KDSR: variants seen among roughly 807,000 people sequenced by gnomAD.
KDSR encodes the protein 3-dehydrosphinganine reductase.
A neutral mutation model predicts 41.3 loss-of-function variants in KDSR; 23 were observed. That is an observed-to-expected ratio of 0.56 (90% CI 0.40 to 0.79). The LOEUF (loss-of-function observed/expected upper bound fraction) is 0.79. Ranked by LOEUF, KDSR falls within the 30% of genes least tolerant of loss-of-function variation. The pLI is 0.00. For synonymous variants in KDSR, 138 were observed against 151.7 expected, an observed-to-expected ratio of 0.91 and a Z score of 0.66; for missense variants, 351 against 416.8, an observed-to-expected ratio of 0.84 and a Z score of 1.37.
chr18:63,358,401 C>G (rs1255791397), intron 3 of KDSR, among the ~76,000 whole-genome samples: 2 of 151,972 alleles, frequency 1.3e-5, no homozygotes, highest in Non-Finnish European at 2.9e-5. Context: ...TTGCACAACT[C>G]TATGAATACA....
In KDSR at chr18:63,339,334, C is replaced by T. The variant is rs1044320343; in HGVS notation, c.694-451G>A. Among the ~76,000 whole-genome samples the T allele has an allele frequency of 2.6e-5, 4 of 152,256 alleles. No homozygotes were observed. In the East Asian group the frequency reaches 5.8e-4, roughly 22 times the overall value. On this transcript the variant is annotated intron_variant, in intron 7 of 9. Transcript: ENST00000645214. ...ATTCCCAGGTCAGCAGAGGGCTGAT[C>T]CCTGGGGATGAACCTGGCGCCCAAG...
chr18:63,344,821 C>T, intron 6 of KDSR: 1 of 231,400 alleles, frequency 4.3e-6, no homozygotes, highest in East Asian at 9.5e-5. Flanking sequence ...AAAAAGAGTC[C>T]AGTTCCCACA....
At chr18:63,353,444 A>C (rs1599333728) in intron 5 of KDSR, among the ~76,000 whole-genome samples, 1 of 152,172 alleles carries the variant, frequency 6.6e-6, no homozygotes, top group South Asian at 2.1e-4. Flanking sequence ...GAAACTAAAA[A>C]GCCAGATTCT....
In KDSR at chr18:63,327,968, A is replaced by C. The variant is rs1410379835; in HGVS notation, c.*3814T>G. On this transcript the variant is annotated 3_prime_UTR_variant, in exon 10 of 10. Coordinates refer to ENST00000645214, the MANE Select transcript of KDSR (RefSeq NM_002035.4). ...AAAATTGCAAATCCACAGTTACTGC[A>C]CTGAAGTATAATCCGAAGAGCAAGA... The C allele has an allele frequency of 4.9e-6, 1 of 202,920 alleles. No individual in the cohort carries two copies. The highest frequency in any genetic ancestry group is 2.3e-5 in the African/African-American group (1 of 43,580). The allele number at this position is 202,920 out of a possible 1,614,324, so 12.6% of individuals were successfully genotyped here. A position where few individuals can be genotyped will look rare whatever the true frequency, so the allele number is the denominator to read the frequency against.
chr18:63,334,569 A>G (rs2849369), intron 9 of KDSR, among the ~76,000 whole-genome samples: 150,311 of 152,268 alleles, frequency 0.99, 74,227 homozygotes, highest in East Asian at 1. Context: ...GGCTGGTCTC[A>G]AACTCCTGAT....
intron 2 of KDSR, among the ~76,000 whole-genome samples, chr18:63,360,073 T>C (rs2144377681): frequency 6.6e-6 from 1 of 152,330 alleles, no homozygotes; most frequent in East Asian, 1.9e-4. Flanking sequence ...ACAGTACTAA[T>C]TGCTGAGGCT....
chr18:63,348,948 G>C (rs958851508), intron 6 of KDSR, among the ~76,000 whole-genome samples: 1 of 152,180 alleles, frequency 6.6e-6, no homozygotes, highest in African/African-American at 2.4e-5. Context: ...AGCAGACCTG[G>C]GGTCAAGGCT....
chr18:63,362,810 C>T lies in KDSR; in HGVS notation c.167G>A (p.Gly56Glu), dbSNP rs1568073272. 6.2e-7 allele frequency: 1 copy of T among 1,613,560 alleles called. No individual in the cohort carries two copies. The highest frequency in any genetic ancestry group is 1.3e-5 in the African/African-American group (1 of 75,034). The change falls in exon 2 of 10, where the codon GGA becomes GAA. Residue 56 changes from glycine (G) to glutamate (E), a missense_variant. Transcript: ENST00000645214. ...KCIAIECYKQGAFITLVARNE... is the reference protein window; with the variant it reads ...KCIAIECYKQEAFITLVARNE... ...TCGTGCAACCAGAGTTATAAAAGCT[C>T]CTTGTTTATAGCACTCGATAGCAAT...
intron 8 of KDSR, 101 bp from the exon 9 acceptor site, chr18:63,335,459 G>A: frequency 2.5e-6 from 2 of 795,622 alleles, no homozygotes; most frequent in Admixed American, 2.1e-5. Flanking sequence ...TTCACTTTAA[G>A]TGAGATAAAA....
chr18:63,339,338 G>A (rs1231744352), intron 7 of KDSR, among the ~76,000 whole-genome samples: 1 of 152,248 alleles, frequency 6.6e-6, no homozygotes, highest in Non-Finnish European at 1.5e-5. Context: ...GCTGATCCCT[G>A]GGGATGAACC....
In KDSR at chr18:63,367,150, G is replaced by C. The variant is rs757721587; in HGVS notation, c.-32C>G. 9.0e-5 allele frequency: 108 copies of C among 1,196,548 alleles called. No individual in the cohort carries two copies. The East Asian group carries it at 2.7e-3, about 30-fold the overall frequency. The allele number at this position is 1,196,548 out of a possible 1,614,324, so 74.1% of individuals were successfully genotyped here. On this transcript the variant is annotated 5_prime_UTR_variant, in exon 1 of 10. Transcript: ENST00000645214. ...GCGGGGCCAGGGGCCCGGAGCGGCC[G>C]GGCGGGGGCCGCCGGGCAAGGCGCG... is the stretch of plus-strand genomic sequence containing the variant.
chr18:63,344,318 T>C (rs1378211344), intron 7 of KDSR, 92 bp downstream of exon 7: 3 of 815,198 alleles, frequency 3.7e-6, no homozygotes, highest in African/African-American at 1.7e-5. Context: ...ACATTGTTGA[T>C]TGGTGAAAAC....
rs1156549146 is a variant in KDSR, at chr18:63,338,818, T to C, written c.759A>G (p.Gln253=). 1.9e-6 allele frequency: 3 copies of C among 1,608,678 alleles called. No individual in the cohort carries two copies. The highest frequency in any genetic ancestry group is 2.5e-6 in the Non-Finnish European group (3 of 1,177,418). The change falls in exon 8 of 10, where the codon CAA becomes CAG. Residue 253 remains glutamine, a synonymous_variant. Transcript: ENST00000645214. The part of the protein sequence containing the change: ...SVCKPEQVAK[Q]IVKDAIQGNF... ...TACTTACTATGGCATCTTTAACAATTTGTTTGGCCACCTGTTCTGGTTTGC... is the reference window on the plus strand; with the variant it reads ...TACTTACTATGGCATCTTTAACAATCTGTTTGGCCACCTGTTCTGGTTTGC...
At chr18:63,351,171 T>G in intron 5 of KDSR, 92 bp from the exon 6 acceptor site, 1 of 1,063,216 alleles carries the variant, frequency 9.4e-7, no homozygotes, top group South Asian at 1.7e-5. Flanking sequence ...AGTTCTTCAA[T>G]GCAAGCTCAA....
chr18:63,355,943 G>C (rs1448562378), intron 3 of KDSR, among the ~76,000 whole-genome samples: 2 of 152,100 alleles, frequency 1.3e-5, no homozygotes, highest in Non-Finnish European at 2.9e-5. Flanking sequence ...CTTTCAAGAA[G>C]GAATCCTGTC....
chr18:63,335,224 G>A, intron 9 of KDSR, 33 bp downstream of exon 9: 1 of 1,419,948 alleles, frequency 7.0e-7, no homozygotes, highest in Non-Finnish European at 9.9e-7. Flanking sequence ...TTGTCCATCG[G>A]CCTGTCTGAT....
rs572776978 is a variant in KDSR, at chr18:63,328,725, GAAGT to G, written c.*3053_*3056del. 1.5e-4 allele frequency: 27 copies of G among 178,604 alleles called. No homozygotes were observed. The East Asian group carries it at 1.8e-3, about 12-fold the overall frequency. 11.1% of individuals were successfully genotyped at this position (178,604 alleles called of 1,614,324 possible). A position where few individuals can be genotyped will look rare whatever the true frequency, so the allele number is the denominator to read the frequency against. ...TCCCATGATTTTGTTTTTGTAAAAA[GAAGT>G]AAGGATTGTTTTCTATATATTTTTC... On this transcript the variant is annotated 3_prime_UTR_variant, in exon 10 of 10. Transcript: ENST00000645214.
intron 7 of KDSR, among the ~76,000 whole-genome samples, chr18:63,340,567 A>T (rs1914316876): frequency 6.6e-6 from 1 of 152,246 alleles, no homozygotes; most frequent in Admixed American, 6.5e-5. Flanking sequence ...TCATTTGCTC[A>T]AAAAAGCAAC....
At chr18:63,357,187 T>A (rs71353385) in intron 3 of KDSR, among the ~76,000 whole-genome samples, 2,360 of 152,258 alleles carry the variant, frequency 0.015, 21 homozygotes, top group Middle Eastern at 0.024. Flanking sequence ...AGTCTGTCAA[T>A]ACCAAGTATT....
Sources: gnomAD v4.1 joint callset for allele counts (sites outside exome capture counted in the v4.1 genomes callset) on GRCh38, gnomAD v4.1.1 for gene constraint, MANE v1.5 for transcripts, NCBI Gene and HGNC (gene_info 2026-07-23, HGNC 2026-07-21) for gene names.